ATP11A: variants seen among roughly 807,000 people sequenced by gnomAD.
The protein encoded by ATP11A is phospholipid-transporting ATPase IH.
A neutral mutation model predicts 154.4 loss-of-function variants in ATP11A; 81 were observed. The ratio of observed to expected loss-of-function variants is 0.52; its 90% CI spans 0.44 to 0.63. ATP11A has a LOEUF of 0.63. Among genes scored for constraint, ATP11A ranks in the 30% least tolerant of loss-of-function variants. The pLI is 0.00. For missense variants in ATP11A, 1,316 were observed against 1,474.3 expected, an observed-to-expected ratio of 0.89 and a Z score of 1.76; for synonymous variants, 623 against 585.9, an observed-to-expected ratio of 1.06 and a Z score of -0.91.
At chr13:112,709,210 C>T (rs1887479076) in intron 1 of ATP11A, among the ~76,000 whole-genome samples, 1 of 152,176 alleles carries the variant, frequency 6.6e-6, no homozygotes, top group Admixed American at 6.5e-5. Context: ...GGGAGTCATG[C>T]CCTACAAATC....
At chr13:112,748,329 T>A (rs372787493) in intron 1 of ATP11A, among the ~76,000 whole-genome samples, 30 of 152,352 alleles carry the variant, frequency 2.0e-4, no homozygotes, top group African/African-American at 7.0e-4. Flanking sequence ...AGTAGATATA[T>A]TTATTCTGAG....
chr13:112,692,384 C>G (rs1196428537), intron 1 of ATP11A, among the ~76,000 whole-genome samples: 1 of 152,200 alleles, frequency 6.6e-6, no homozygotes, highest in African/African-American at 2.4e-5. Flanking sequence ...GAGAATCCCC[C>G]CTTCCCAGCC....
intron 1 of ATP11A, among the ~76,000 whole-genome samples, chr13:112,743,254 T>C (rs1481971707): frequency 6.6e-6 from 1 of 152,180 alleles, no homozygotes; most frequent in Non-Finnish European, 1.5e-5. Context: ...CTGTATTCAA[T>C]AGCATTGCTG....
intron 2 of ATP11A, among the ~76,000 whole-genome samples, chr13:112,787,388 T>A (rs1181447190): frequency 1.5e-5 from 2 of 136,518 alleles, no homozygotes; most frequent in Non-Finnish European, 3.0e-5. Context: ...ACCTACTTAA[T>A]CCACACCAGT....
intron 17 of ATP11A, among the ~76,000 whole-genome samples, chr13:112,846,079 C>G (rs2079599478): frequency 5.9e-5 from 9 of 152,202 alleles, no homozygotes; most frequent in Admixed American, 5.9e-4. Context: ...GTCTTCATTT[C>G]TCTTTCCACA....
In ATP11A at chr13:112,884,226, A is replaced by C. The variant is rs1349351311; in HGVS notation, c.*2360A>C. ...TGAACAGCACATTTAAGGCACGATAATTTGCTACACTTTTTCTTTACAATT... is the reference window on the plus strand; with the variant it reads ...TGAACAGCACATTTAAGGCACGATACTTTGCTACACTTTTTCTTTACAATT... On this transcript the variant is annotated 3_prime_UTR_variant, in exon 30 of 30. Coordinates refer to ENST00000375645, the MANE Select transcript of ATP11A (RefSeq NM_015205.3). The C allele has an allele frequency of 7.9e-5, 12 of 152,588 alleles. No individual in the cohort carries two copies. Among genetic ancestry groups the C allele is most frequent in the Admixed American group, 6.5e-4 (10 of 15,286 alleles). The allele number at this position is 152,588 out of a possible 1,614,324, so 9.5% of individuals were successfully genotyped here.
chr13:112,831,354 C>T lies in ATP11A; in HGVS notation c.1222-21C>T, dbSNP rs973915963. 9.3e-6 allele frequency: 15 copies of T among 1,609,542 alleles called. No homozygotes were observed. In the African/African-American group the frequency reaches 1.7e-4, roughly 19 times the overall value. ...GCGGGCCTCCCTCAGAGCGCCCTGA[C>T]TTGCTGTGCCCTGCCCGCAGGTGGA... is the stretch of plus-strand genomic sequence containing the variant. On this transcript the variant is annotated intron_variant, in intron 12 of 29. Transcript: ENST00000375645.
intron 1 of ATP11A, among the ~76,000 whole-genome samples, chr13:112,724,146 CTTTGCCCCT>C (rs1187591224): frequency 2.2e-5 from 3 of 134,370 alleles, no homozygotes; most frequent in African/African-American, 8.3e-5. Context: ...CCTTCACCCC[CTTTGCCCCT>C]ATTGCCCCCT....
chr13:112,769,384 ACT>A (rs1295790989), intron 1 of ATP11A, among the ~76,000 whole-genome samples: 7 of 151,756 alleles, frequency 4.6e-5, no homozygotes, highest in African/African-American at 1.5e-4. Flanking sequence ...GTGGCTTGTG[ACT>A]CTCTGCCCGC....
chr13:112,759,071 C>T (rs961175759), intron 1 of ATP11A, among the ~76,000 whole-genome samples: 3 of 152,224 alleles, frequency 2.0e-5, no homozygotes, highest in African/African-American at 7.2e-5. Flanking sequence ...CTTGTAAAAA[C>T]AGCAACGTGT....
intron 25 of ATP11A, among the ~76,000 whole-genome samples, chr13:112,863,730 C>A (rs199962156): frequency 3.4e-4 from 20 of 58,562 alleles, no homozygotes; most frequent in Admixed American, 8.6e-4. Flanking sequence ...CCATCACCAC[C>A]TGCGCAGTAA....
At chr13:112,860,714 T>C (rs2080076339) in intron 24 of ATP11A, 2 of 256,070 alleles carry the variant, frequency 7.8e-6, no homozygotes, top group Admixed American at 9.7e-5. Context: ...GTCTTCCTCG[T>C]TGTGACCCTA....
chr13:112,858,360 T>C, intron 22 of ATP11A, 70 bp downstream of exon 22: 1 of 1,487,210 alleles, frequency 6.7e-7, no homozygotes, highest in South Asian at 1.3e-5. Context: ...GACCCTTGTC[T>C]GAGCCACTTG....
intron 1 of ATP11A, among the ~76,000 whole-genome samples, chr13:112,784,800 G>A (rs890091036): frequency 3.9e-5 from 6 of 152,198 alleles, no homozygotes; most frequent in African/African-American, 1.4e-4. Flanking sequence ...TGGGATTACA[G>A]GCGTGAGCCG....
At chr13:112,773,183 C>G (rs1049815597) in intron 1 of ATP11A, among the ~76,000 whole-genome samples, 2 of 151,504 alleles carry the variant, frequency 1.3e-5, no homozygotes, top group African/African-American at 2.4e-5. Context: ...CCTCTGGGTT[C>G]TGATGAGCTG....
chr13:112,774,226 A>G (rs535056004), intron 1 of ATP11A, among the ~76,000 whole-genome samples: 179 of 152,366 alleles, frequency 1.2e-3, no homozygotes, highest in Admixed American at 3.2e-3. Context: ...GTCTGGTGCC[A>G]GGATTTGTCT....
intron 1 of ATP11A, among the ~76,000 whole-genome samples, chr13:112,784,316 C>G (rs995786100): frequency 1.3e-5 from 2 of 152,194 alleles, no homozygotes; most frequent in African/African-American, 4.8e-5. Context: ...ATATTCACAC[C>G]GCGGGCATGT....
chr13:112,698,315 C>G (rs78011704), intron 1 of ATP11A, among the ~76,000 whole-genome samples: 4,056 of 152,280 alleles, frequency 0.027, 76 homozygotes, highest in Middle Eastern at 0.079. Flanking sequence ...ACCACCCCAC[C>G]CGGTCCCAAG....
At chr13:112,698,085 A>C (rs1223861407) in intron 1 of ATP11A, among the ~76,000 whole-genome samples, 1 of 152,132 alleles carries the variant, frequency 6.6e-6, no homozygotes, top group Admixed American at 6.5e-5. Flanking sequence ...GCACGGGCGC[A>C]CTCAGCAGCC....
Sources: gnomAD v4.1 joint callset for allele counts (sites outside exome capture counted in the v4.1 genomes callset) on GRCh38, gnomAD v4.1.1 for gene constraint, MANE v1.5 for transcripts, NCBI Gene and HGNC (gene_info 2026-07-23, HGNC 2026-07-21) for gene names.